The following ZNF420 variants were observed in gnomAD, a reference collection of about 807,000 sequenced individuals.
The protein encoded by ZNF420 is zinc finger protein 420, also known as ATM and p53-associated KZNF protein.
A neutral mutation model predicts 44.7 loss-of-function variants in ZNF420; 31 were observed. The ratio of observed to expected loss-of-function variants is 0.69; its 90% confidence interval spans 0.52 to 0.94. The LOEUF (loss-of-function observed/expected upper bound fraction) is 0.94. Ranked by LOEUF, ZNF420 falls within the 40% of genes least tolerant of loss-of-function variation. ZNF420 has a pLI of 0.00. For missense variants in ZNF420, 681 were observed against 827.9 expected, an observed-to-expected ratio of 0.82 and a Z score of 2.18; for synonymous variants, 245 against 267.4, an observed-to-expected ratio of 0.92 and a Z score of 0.82.
At chr19:37,038,059 G>A (rs1438942005) in intron 1 of ZNF420, among the ~76,000 whole-genome samples, 2 of 152,034 alleles carry the variant, frequency 1.3e-5, no homozygotes, top group South Asian at 2.1e-4. Flanking sequence ...GAACCCCGGA[G>A]GCAGAGGTTT....
At chr19:37,063,362 T>C (rs573234601) in intron 1 of ZNF420, among the ~76,000 whole-genome samples, 91 of 152,314 alleles carry the variant, frequency 6.0e-4, no homozygotes, top group Non-Finnish European at 1.2e-3. Flanking sequence ...TATCTCTCCC[T>C]TTCCCAGGCA....
At chr19:37,037,801 A>G (rs1297837854) in intron 1 of ZNF420, among the ~76,000 whole-genome samples, 2 of 152,238 alleles carry the variant, frequency 1.3e-5, no homozygotes, top group East Asian at 3.9e-4. Flanking sequence ...GCCCAGCAAC[A>G]TAACATTTAT....
intron 1 of ZNF420, chr19:37,024,801 C>G (rs542927707): frequency 1.3e-5 from 2 of 152,224 alleles, no homozygotes; most frequent in African/African-American, 2.4e-5. Context: ...AGGCTGTTCT[C>G]GAACTCCTGA....
intron 4 of ZNF420, among the ~76,000 whole-genome samples, chr19:37,115,731 C>T (rs950854333): frequency 6.6e-6 from 1 of 151,988 alleles, no homozygotes; most frequent in African/African-American, 2.4e-5. Context: ...TAATCCTCCT[C>T]AGCACAGACC....
intron 1 of ZNF420, among the ~76,000 whole-genome samples, chr19:37,028,040 A>G (rs1458409044): frequency 6.6e-6 from 1 of 152,208 alleles, no homozygotes; most frequent in African/African-American, 2.4e-5. Context: ...TTGCATTCCC[A>G]GCAGCAATCA....
chr19:37,028,697 G>A (rs1190412571), intron 1 of ZNF420, among the ~76,000 whole-genome samples: 1 of 152,164 alleles, frequency 6.6e-6, no homozygotes, highest in Non-Finnish European at 1.5e-5. Context: ...TATATATCAT[G>A]TGTGTGTTTG....
At chr19:37,059,695 C>G (rs1967834252) in intron 1 of ZNF420, among the ~76,000 whole-genome samples, 1 of 152,152 alleles carries the variant, frequency 6.6e-6, no homozygotes, top group African/African-American at 2.4e-5. Flanking sequence ...CGTGGGCCGC[C>G]CTCTCACCTG....
In ZNF420 at chr19:37,128,588, T is replaced by C; in HGVS notation, c.1597T>C (p.Cys533Arg). 1.9e-6 allele frequency: 3 copies of C among 1,613,832 alleles called. No homozygotes were observed. Among genetic ancestry groups the C allele is most frequent in the Non-Finnish European group, 2.5e-6 (3 of 1,179,862 alleles). The change falls in exon 5 of 5, where the codon TGT becomes CGT. Residue 533 changes from cysteine to arginine, a missense_variant. Physicochemically the swap from Cys to Arg is radical, Grantham distance 180. Transcript: ENST00000337995. ...TCACACTGGTGAGAAACCCTATGTG[T>C]GTAATGAATGTGGAAAGGCCTTTGC... is the stretch of plus-strand genomic sequence containing the variant. ...RLHTGEKPYV[C>R]NECGKAFARG...
chr19:37,074,916 C>G (rs1968120690), upstream of ZNF420, among the ~76,000 whole-genome samples: 2 of 152,224 alleles, frequency 1.3e-5, 1 homozygote, highest in East Asian at 3.9e-4. Context: ...TAACATTTTT[C>G]AAAATAAACA....
In ZNF420 at chr19:37,044,006, G is replaced by T. The variant is rs562998807; in HGVS notation, c.-125+35924G>T. ...CATTGGACTGCGGACTGCACATGCA[G>T]CTACCAGGTTCTTCTGGATAGTCCC... On this transcript the variant is annotated intron_variant, in intron 1 of 4. Coordinates refer to the ZNF420 transcript ENST00000587029. 5.3e-5 allele frequency among the ~76,000 whole-genome samples: 8 copies of T among 152,356 alleles called. No individual in the cohort carries two copies. The East Asian group carries it at 1.5e-3, about 29-fold the overall frequency.
intron 1 of ZNF420, among the ~76,000 whole-genome samples, chr19:37,057,132 G>C (rs990142468): frequency 2.0e-5 from 3 of 152,236 alleles, no homozygotes; most frequent in African/African-American, 7.2e-5. Context: ...TGAGGCTCTG[G>C]CCTGACCTCT....
intron 4 of ZNF420, among the ~76,000 whole-genome samples, chr19:37,117,151 GCCT>G (rs58296925): frequency 0.013 from 1,995 of 151,832 alleles, 45 homozygotes; most frequent in African/African-American, 0.045. Context: ...CGGACAGACT[GCCT>G]CCTCAAGTGG....
intron 4 of ZNF420, among the ~76,000 whole-genome samples, chr19:37,100,404 G>C (rs998716752): frequency 8.6e-5 from 13 of 152,008 alleles, no homozygotes; most frequent in Admixed American, 7.2e-4. Flanking sequence ...CTCCAGCTTG[G>C]TTCTTTTTGT....
Position 37,130,309 on chromosome 19 carries a change from T to G in ZNF420, c.*1251T>G. On this transcript the variant is annotated 3_prime_UTR_variant, in exon 5 of 5. Transcript: ENST00000337995. The stretch of plus-strand genomic sequence containing the variant: ...TTCTCTTTAAATAAAATTAAACATC[T>G]TATTTGTTGATGCTATTGTAGTTCT... The G allele has an allele frequency of 6.4e-6, 9 of 1,403,864 alleles. No homozygotes were observed. The highest frequency in any genetic ancestry group is 7.4e-6 in the Non-Finnish European group (8 of 1,076,480). The allele number at this position is 1,403,864 out of a possible 1,614,324, so 87.0% of individuals were successfully genotyped here. A position where few individuals can be genotyped will look rare whatever the true frequency, so the allele number is the denominator to read the frequency against.
chr19:37,049,249 G>A (rs1230465023), intron 1 of ZNF420, among the ~76,000 whole-genome samples: 4 of 152,144 alleles, frequency 2.6e-5, no homozygotes, highest in Admixed American at 6.6e-5. Context: ...GGATTGCTGG[G>A]TCAAATGGTA....
intron 1 of ZNF420, among the ~76,000 whole-genome samples, chr19:37,011,414 A>T (rs762173107): frequency 6.6e-6 from 1 of 152,064 alleles, no homozygotes; most frequent in Non-Finnish European, 1.5e-5. Context: ...TTCTTGAGGG[A>T]CATCCTCTTC....
At chr19:37,059,246 G>A (rs1042230893) in intron 1 of ZNF420, among the ~76,000 whole-genome samples, 10 of 150,148 alleles carry the variant, frequency 6.7e-5, no homozygotes, top group African/African-American at 2.4e-4. Flanking sequence ...CTGGACCCCG[G>A]ATCCAGCCGC....
intron 4 of ZNF420, chr19:37,111,375 A>G (rs1478280055): frequency 6.6e-6 from 1 of 152,264 alleles, no homozygotes; most frequent in Non-Finnish European, 1.5e-5. Context: ...GGCCAAATCC[A>G]ATTAATGTCT....
At chr19:37,096,198 C>T (rs1188288449) in intron 4 of ZNF420, 1 of 150,406 alleles carries the variant, frequency 6.6e-6, no homozygotes, top group Non-Finnish European at 1.5e-5. Flanking sequence ...TGTTTCACTT[C>T]TAGATGTTTG....
Sources: gnomAD v4.1 joint callset for allele counts (sites outside exome capture counted in the v4.1 genomes callset) on GRCh38, gnomAD v4.1.1 for gene constraint, MANE v1.5 for transcripts, NCBI Gene and HGNC (gene_info 2026-07-23, HGNC 2026-07-21) for gene names.